CAP2: variants seen among roughly 807,000 people sequenced by gnomAD.
CAP2 encodes cyclase associated actin cytoskeleton regulatory protein 2.
A neutral mutation model predicts 57.7 loss-of-function variants in CAP2; 24 were observed. The ratio of observed to expected loss-of-function variants is 0.42; its 90% CI spans 0.30 to 0.58. CAP2 has a LOEUF of 0.58. Among genes scored for constraint, CAP2 ranks in the 20% least tolerant of loss-of-function variants. The probability of loss-of-function intolerance (pLI) is 0.22; values close to 1 mark genes in which losing one functional copy is unlikely to be tolerated. For missense variants in CAP2, 501 were observed against 590.3 expected (o/e 0.85, Z 1.57); for synonymous variants, 194 against 207.2 (o/e 0.94, Z 0.55).
At position 17,543,074 on chromosome 6, in the gene CAP2, A is replaced by C; in HGVS notation, c.1140A>C (p.Lys380Asn). The C allele has an allele frequency of 6.2e-7, 1 of 1,613,978 alleles. No individual in the cohort carries two copies. The highest frequency in any genetic ancestry group is 1.1e-5 in the South Asian group (1 of 91,080). Residue 380 changes from lysine (K) to asparagine (N), a missense_variant, in exon 11 of 13, where the codon AAA becomes AAC. Transcript: ENST00000229922. ...VNSIIIDNCK[K>N]LGLVFDNVVG... Reference sequence around the variant, plus strand: ...TTCTCCCCACAGACAACTGTAAAAAACTCGGCCTGGTGTTTGACAATGTGG... The same window carrying C: ...TTCTCCCCACAGACAACTGTAAAAACCTCGGCCTGGTGTTTGACAATGTGG...
At chr6:17,554,477 C>T (rs146803271) in intron 12 of CAP2, among the ~76,000 whole-genome samples, 1,675 of 152,320 alleles carry the variant, frequency 0.011, 34 homozygotes, top group African/African-American at 0.037. Context: ...AGGCTGGTCC[C>T]GAACTTCTGG....
chr6:17,515,748 G>C (rs1762262573), intron 7 of CAP2, among the ~76,000 whole-genome samples: 1 of 152,154 alleles, frequency 6.6e-6, no homozygotes, highest in Non-Finnish European at 1.5e-5. Flanking sequence ...GTATTTTTGA[G>C]TACCTAGGCG....
intron 3 of CAP2, among the ~76,000 whole-genome samples, 179 bp downstream of exon 3, chr6:17,426,869 A>G (rs563019042): frequency 1.3e-5 from 2 of 152,292 alleles, no homozygotes; most frequent in African/African-American, 4.8e-5. Context: ...TGCAAGGCCT[A>G]TGGATAGAGT....
At chr6:17,459,451 A>C (rs1343942943) in intron 3 of CAP2, among the ~76,000 whole-genome samples, 5 of 152,218 alleles carry the variant, frequency 3.3e-5, no homozygotes, top group African/African-American at 1.2e-4. Context: ...TATGTGCAAG[A>C]TGGAAAGAGC....
At chr6:17,409,026 G>A (rs922438026) in intron 1 of CAP2, among the ~76,000 whole-genome samples, 1 of 151,470 alleles carries the variant, frequency 6.6e-6, no homozygotes, top group African/African-American at 2.4e-5. Context: ...CCCCCTGCTT[G>A]CAGTCTGCGG....
At chr6:17,526,709 G>T (rs1421837672) in intron 7 of CAP2, among the ~76,000 whole-genome samples, 1 of 152,048 alleles carries the variant, frequency 6.6e-6, no homozygotes. Context: ...TGTAATTCCA[G>T]CACTTTGGGA....
At chr6:17,487,125 G>A (rs151031766) in intron 4 of CAP2, among the ~76,000 whole-genome samples, 5 of 152,306 alleles carry the variant, frequency 3.3e-5, no homozygotes, top group Admixed American at 3.3e-4. Context: ...TGTGCCAGGT[G>A]CTGAAGATAC....
At chr6:17,543,875 A>G (rs1762971788) in intron 11 of CAP2, among the ~76,000 whole-genome samples, 1 of 152,132 alleles carries the variant, frequency 6.6e-6, no homozygotes, top group African/African-American at 2.4e-5. Flanking sequence ...CTGTAATCCC[A>G]ACACTTTGGG....
rs777803474 is a variant in CAP2 at position 17,406,398 on chromosome 6, C to CTTTTTTTTTTTTTTTTTTTTTTT, written c.-2+12667_-2+12668insTTTTTTTTTTTTTTTTTTTTTTT. ...CTTTTCTGTCAGTAAGCCCAGATTT[C>CTTTTTTTTTTTTTTTTTTTTTTT]TTTTTTTTTTTTTTTGAGGCAGTCT... On this transcript the variant is annotated intron_variant, in intron 1 of 12. Coordinates refer to ENST00000229922, the MANE Select transcript of CAP2 (RefSeq NM_006366.3). Among the ~76,000 whole-genome samples, 162 of 102,428 alleles carry CTTTTTTTTTTTTTTTTTTTTTTT rather than the reference C, an allele frequency of 1.6e-3. 29 individuals carry two copies. The highest frequency in any genetic ancestry group is 7.6e-3 in the African/African-American group (129 of 16,978). The allele number at this position is 102,428 out of a possible 152,430, so 67.2% of individuals were successfully genotyped here.
chr6:17,545,732 T>C (rs1763028054), intron 11 of CAP2, among the ~76,000 whole-genome samples: 2 of 152,184 alleles, frequency 1.3e-5, no homozygotes, highest in South Asian at 4.1e-4. Flanking sequence ...GAGTGTGATG[T>C]TCCCCTTCCT....
At chr6:17,520,171 G>T (rs778303242) in intron 7 of CAP2, among the ~76,000 whole-genome samples, 1 of 152,088 alleles carries the variant, frequency 6.6e-6, no homozygotes, top group South Asian at 2.1e-4. Context: ...ACAGTGGCAC[G>T]ATTGCAGCTC....
rs867820069 is a variant in CAP2, at chr6:17,524,032, C to T, written c.636+10078C>T. On this transcript the variant is annotated intron_variant, in intron 7 of 12. Coordinates refer to ENST00000229922, the MANE Select transcript of CAP2 (RefSeq NM_006366.3). ...CAGAGGTTGCAGTGAGCTGAGATCG[C>T]GCCACTGCACTCCAGCCTGGTGACA... Among the ~76,000 whole-genome samples, 28 of 147,748 alleles carry T rather than the reference C, an allele frequency of 1.9e-4. 1 individual carries two copies. Among genetic ancestry groups the T allele is most frequent in the African/African-American group, 6.4e-4 (25 of 39,246 alleles).
At chr6:17,420,150 G>A (rs1024149010) in intron 1 of CAP2, among the ~76,000 whole-genome samples, 3 of 152,114 alleles carry the variant, frequency 2.0e-5, no homozygotes, top group Non-Finnish European at 4.4e-5. Context: ...GATTACAGGC[G>A]TGAGCCACCG....
intron 3 of CAP2, among the ~76,000 whole-genome samples, chr6:17,427,448 C>T (rs147278773): frequency 6.6e-6 from 1 of 152,040 alleles, no homozygotes; most frequent in African/African-American, 2.4e-5. Flanking sequence ...CTGTAAAATG[C>T]GGCCTGAGGA....
chr6:17,463,878 A>G (rs756743176), intron 4 of CAP2, among the ~76,000 whole-genome samples: 6 of 152,238 alleles, frequency 3.9e-5, no homozygotes, highest in Non-Finnish European at 8.8e-5. Context: ...AACTGCAACA[A>G]TATTACCAAT....
rs1377349413 is a variant in CAP2, at chr6:17,526,851, G to A, written c.637-12418G>A. Reference sequence around the variant, plus strand: ...GCATGCCTATAGTCCCAGCTACCCGGGAGGCTGAGGCAGGAGAATCGCTGG... The same window carrying A: ...GCATGCCTATAGTCCCAGCTACCCGAGAGGCTGAGGCAGGAGAATCGCTGG... On this transcript the variant is annotated intron_variant, in intron 7 of 12. Coordinates refer to ENST00000229922, the MANE Select transcript of CAP2 (RefSeq NM_006366.3). Among the ~76,000 whole-genome samples, 3 of 151,484 alleles carry A rather than the reference G, an allele frequency of 2.0e-5. No homozygotes were observed. The East Asian group carries it at 5.9e-4, about 30-fold the overall frequency.
At chr6:17,518,322 A>G (rs1004812820) in intron 7 of CAP2, among the ~76,000 whole-genome samples, 3 of 152,244 alleles carry the variant, frequency 2.0e-5, no homozygotes, top group Admixed American at 1.3e-4. Context: ...ATTCCAAAGC[A>G]TAGTCCATAG....
chr6:17,482,728 TC>T (rs1561799498), intron 4 of CAP2, among the ~76,000 whole-genome samples: 1 of 152,112 alleles, frequency 6.6e-6, no homozygotes, highest in Non-Finnish European at 1.5e-5. Flanking sequence ...ATTTCCCCTT[TC>T]CATAGGGACA....
chr6:17,446,975 G>A (rs58337072), intron 3 of CAP2, among the ~76,000 whole-genome samples: 1,974 of 152,188 alleles, frequency 0.013, 48 homozygotes, highest in African/African-American at 0.045. Context: ...CTCAATGCAG[G>A]TGAGTTAATA....
Sources: allele counts gnomAD v4.1 joint callset (sites outside exome capture counted in the v4.1 genomes callset), GRCh38; gene constraint gnomAD v4.1.1; transcripts MANE v1.5; gene names NCBI Gene and HGNC (gene_info 2026-07-23, HGNC 2026-07-21).